The following SCAI variants were observed in gnomAD, a reference collection of about 807,000 sequenced individuals.
SCAI encodes protein SCAI.
A neutral mutation model predicts 92.2 loss-of-function variants in SCAI; 24 were observed. The ratio of observed to expected loss-of-function variants is 0.26; its 90% CI spans 0.19 to 0.37. SCAI has a LOEUF of 0.37. Among genes scored for constraint, SCAI ranks in the 10% least tolerant of loss-of-function variants. The pLI, the probability that SCAI is intolerant of heterozygous loss-of-function variation, is 1.00. For missense variants in SCAI, 450 were observed against 736.2 expected, an observed-to-expected ratio of 0.61 and a Z score of 4.50; for synonymous variants, 261 against 258.6, an observed-to-expected ratio of 1.01 and a Z score of -0.09.
chr9:124,999,242 C>T (rs928695674), intron 13 of SCAI, among the ~76,000 whole-genome samples: 2 of 151,878 alleles, frequency 1.3e-5, no homozygotes, highest in Admixed American at 6.6e-5. Context: ...CAAAAATTAG[C>T]CGGGCATGGT....
intron 2 of SCAI, among the ~76,000 whole-genome samples, chr9:125,101,741 C>G (rs747556896): frequency 3.3e-5 from 5 of 152,188 alleles, no homozygotes; most frequent in Non-Finnish European, 7.3e-5. Context: ...ATACATAGTA[C>G]TGACCAGCCA....
At chr9:124,964,606 A>AC (rs1255114419) in intron 17 of SCAI, among the ~76,000 whole-genome samples, 1 of 150,786 alleles carries the variant, frequency 6.6e-6, no homozygotes, top group East Asian at 1.9e-4. Flanking sequence ...GGTCCTTAGG[A>AC]CCCCCCATCT....
At chr9:124,974,573 T>G (rs1831720608) in intron 15 of SCAI, among the ~76,000 whole-genome samples, 1 of 152,186 alleles carries the variant, frequency 6.6e-6, no homozygotes, top group African/African-American at 2.4e-5. Context: ...GCTCTCCCCT[T>G]TTGCAGAGGT....
At chr9:125,111,023 A>G (rs992818725) in intron 2 of SCAI, among the ~76,000 whole-genome samples, 1 of 152,204 alleles carries the variant, frequency 6.6e-6, no homozygotes, top group Non-Finnish European at 1.5e-5. Flanking sequence ...CCCACCCACT[A>G]TAACCTTGGA....
chr9:125,024,771 C>T (rs1436209986), intron 6 of SCAI, among the ~76,000 whole-genome samples: 2 of 152,176 alleles, frequency 1.3e-5, no homozygotes, highest in African/African-American at 4.8e-5. Flanking sequence ...CATATCCAAC[C>T]AGGTTCAGCT....
chr9:124,976,729 G>A (rs886952864), intron 14 of SCAI, among the ~76,000 whole-genome samples: 6 of 151,918 alleles, frequency 3.9e-5, no homozygotes, highest in East Asian at 1.9e-4. Context: ...TATCTACAAG[G>A]GAAGTAAAAT....
At chr9:125,089,159 T>G (rs1315303285) in intron 2 of SCAI, among the ~76,000 whole-genome samples, 2 of 152,224 alleles carry the variant, frequency 1.3e-5, no homozygotes. Context: ...GTATCTTTTC[T>G]TATTCTTAAT....
chr9:125,109,653 T>TTATCTATCTATC lies in SCAI; in HGVS notation c.98+32968_98+32979dup, dbSNP rs61141143. ...CAACTACTTAAATCAAGGTTTCCAT[T>TTATCTATCTATC]TATCTATCTATCTATCTATCTATCT... is the stretch of plus-strand genomic sequence containing the variant. On this transcript the variant is annotated intron_variant, in intron 2 of 17. Transcript: ENST00000336505. 4.8e-3 allele frequency among the ~76,000 whole-genome samples: 706 copies of TTATCTATCTATC among 147,940 alleles called. 2 individuals are homozygous for TTATCTATCTATC. The highest frequency in any genetic ancestry group is 0.01 in the Middle Eastern group (3 of 290).
chr9:125,112,316 G>C (rs535314361), intron 2 of SCAI, among the ~76,000 whole-genome samples: 19 of 152,144 alleles, frequency 1.2e-4, no homozygotes, highest in Non-Finnish European at 2.8e-4. Context: ...AAAAACTCAA[G>C]TATCTTTACA....
rs752266845 is a variant in SCAI, at chr9:124,952,774, A to G, written c.*33T>C. 6.3e-7 allele frequency: 1 copy of G among 1,585,732 alleles called. No homozygotes were observed. Among genetic ancestry groups the G allele is most frequent in the South Asian group, 1.1e-5 (1 of 88,756 alleles). On this transcript the variant is annotated 3_prime_UTR_variant, in exon 18 of 18. Coordinates refer to ENST00000336505, the MANE Select transcript of SCAI (RefSeq NM_001144877.3). ...CTGCACCATTTAAAATTTGTGGAAAATGAAAACTTGTTTCGACAACAGGGT... is the reference window on the plus strand; with the variant it reads ...CTGCACCATTTAAAATTTGTGGAAAGTGAAAACTTGTTTCGACAACAGGGT...
chr9:125,028,879 C>T (rs536845573), intron 4 of SCAI, among the ~76,000 whole-genome samples: 1 of 152,198 alleles, frequency 6.6e-6, no homozygotes, highest in African/African-American at 2.4e-5. Context: ...CTCACTGCAA[C>T]CTCCGCCTCT....
chr9:124,964,586 G>C (rs549769731), intron 17 of SCAI, among the ~76,000 whole-genome samples: 256 of 152,280 alleles, frequency 1.7e-3, no homozygotes, highest in Middle Eastern at 3.4e-3. Flanking sequence ...TCTGTGTAAT[G>C]AACCTTAAAG....
chr9:125,113,205 A>G (rs1834964137), intron 2 of SCAI, among the ~76,000 whole-genome samples: 1 of 152,212 alleles, frequency 6.6e-6, no homozygotes. Context: ...TAGCCAGGTA[A>G]TCAAGTTTAC....
chr9:124,944,502 A>G lies in SCAI; in HGVS notation c.*8305T>C, dbSNP rs1385371012. 3 of 92,962 alleles carry G rather than the reference A, an allele frequency of 3.2e-5. No individual in the cohort carries two copies. The highest frequency in any genetic ancestry group is 6.0e-5 in the Non-Finnish European group (3 of 49,672). The allele number at this position is 92,962 out of a possible 1,614,324, so 5.8% of individuals were successfully genotyped here. On this transcript the variant is annotated 3_prime_UTR_variant, in exon 18 of 18. Coordinates refer to ENST00000336505, the MANE Select transcript of SCAI (RefSeq NM_001144877.3). Reference sequence around the variant, plus strand: ...TTTTTTTTTTTTTTTGTATTTTAGTAGCGACAGGGTTTCACTGTATTGCCC... The same window carrying G: ...TTTTTTTTTTTTTTTGTATTTTAGTGGCGACAGGGTTTCACTGTATTGCCC...
chr9:124,991,922 A>G (rs1832135822), intron 14 of SCAI, among the ~76,000 whole-genome samples: 1 of 152,122 alleles, frequency 6.6e-6, no homozygotes, highest in African/African-American at 2.4e-5. Flanking sequence ...CATTTCATCT[A>G]ATTAATTTAT....
intron 9 of SCAI, among the ~76,000 whole-genome samples, chr9:125,017,435 T>C: frequency 6.6e-6 from 1 of 151,122 alleles, no homozygotes; most frequent in East Asian, 1.9e-4. Flanking sequence ...CCATTTAGTA[T>C]ATTCATACTA....
In SCAI at chr9:125,011,045, T is replaced by C. The variant is rs7468440; in HGVS notation, c.862-7475A>G. Among the ~76,000 whole-genome samples, 953 of 152,060 alleles carry C rather than the reference T, an allele frequency of 6.3e-3. 8 individuals are homozygous for C. Among genetic ancestry groups the C allele is most frequent in the Middle Eastern group, 0.024 (7 of 294 alleles). On this transcript the variant is annotated intron_variant, in intron 9 of 17. Transcript: ENST00000336505. The stretch of plus-strand genomic sequence containing the variant: ...AAAACCCATCTGTACATCCCCATCA[T>C]CAAAGACCAAAAGTAGATAAAACCA...
chr9:125,108,173 A>G (rs1370782849), intron 2 of SCAI, among the ~76,000 whole-genome samples: 6 of 152,210 alleles, frequency 3.9e-5, no homozygotes, highest in Middle Eastern at 3.2e-3. Context: ...GCGTGATCTC[A>G]GCTCGCTACA....
At chr9:125,138,018 C>T (rs1267145142) in intron 2 of SCAI, among the ~76,000 whole-genome samples, 1 of 152,196 alleles carries the variant, frequency 6.6e-6, no homozygotes, top group African/African-American at 2.4e-5. Flanking sequence ...ACCAAAGCAA[C>T]CATTAGCAAT....
Sources: allele counts gnomAD v4.1 joint callset (sites outside exome capture counted in the v4.1 genomes callset), GRCh38; gene constraint gnomAD v4.1.1; transcripts MANE v1.5; gene names NCBI Gene and HGNC (gene_info 2026-07-23, HGNC 2026-07-21).